The following DCHS1 variants were observed in gnomAD, a reference collection of about 807,000 sequenced individuals.
The protein encoded by DCHS1 is dachsous cadherin-related 1.
A neutral mutation model predicts 213.9 loss-of-function variants in DCHS1; 78 were observed. The observed-to-expected ratio is 0.36, with a 90% CI of 0.30 to 0.44. The LOEUF (loss-of-function observed/expected upper bound fraction) is 0.44. DCHS1 is among the 20% of genes least tolerant of loss of function. The pLI, the probability that DCHS1 is intolerant of heterozygous loss-of-function variation, is 1.00. For missense variants in DCHS1, 3,946 were observed against 4,395.9 expected (o/e 0.90, Z 2.89); for synonymous variants, 1,828 against 1,873.7 (o/e 0.98, Z 0.63).
chr11:6,625,977 G>A lies in DCHS1; in HGVS notation c.6674C>T (p.Thr2225Ile), dbSNP rs778643159. 3 of 1,613,504 alleles carry A rather than the reference G, an allele frequency of 1.9e-6. No homozygotes were observed. The highest frequency in any genetic ancestry group is 4.5e-5 in the East Asian group (2 of 44,886). ...PARGLFHVDPTTGTITTTAIL... is the reference protein window; with the variant it reads ...PARGLFHVDPITGTITTTAIL... ...GGCTGTGGTAGTGATAGTGCCTGTGGTTGGGTCTACGTGGAACAATCCACG... is the reference window on the plus strand; with the variant it reads ...GGCTGTGGTAGTGATAGTGCCTGTGATTGGGTCTACGTGGAACAATCCACG... The change falls in exon 17 of 21, where the codon ACC becomes ATC. Residue 2225 changes from threonine to isoleucine, a missense_variant. Transcript: ENST00000299441. This position sits in a 1 kb window ranked among gnomAD's most constrained non-coding sequence, Gnocchi z 5.3.
rs374221703 is a variant in DCHS1 at position 6,626,905 on chromosome 11, C to T, written c.6134G>A (p.Arg2045His). ...CACACCAGTGGCAGAGCGAGCTGGA[C>T]GGCCAAGATCAGTGGCCACAATGAA... ...VLFIVATDLG[R>H]PARSATGVII... The change falls in exon 14 of 21, where the codon CGT becomes CAT. Residue 2045 changes from arginine to histidine, a missense_variant. Around this residue, in one of 3 missense-constraint regions of DCHS1, gnomAD observed 3,384 missense variants for 3,780.1 expected, o/e 0.90. Transcript: ENST00000299441. The surrounding 1 kb of genome is among the most constrained non-coding windows in gnomAD (Gnocchi z 5.2). 3.3e-5 allele frequency: 54 copies of T among 1,613,474 alleles called. No homozygotes were observed. Among genetic ancestry groups the T allele is most frequent in the Admixed American group, 1.3e-4 (8 of 59,998 alleles).
chr11:6,640,115 G>C lies in DCHS1; in HGVS notation c.1499C>G (p.Pro500Arg), dbSNP rs764068305. 2.5e-6 allele frequency: 4 copies of C among 1,613,514 alleles called. No individual in the cohort carries two copies. Among genetic ancestry groups the C allele is most frequent in the Admixed American group, 3.3e-5 (2 of 59,936 alleles). The change falls in exon 2 of 21, where the codon CCT (proline) becomes CGT (arginine). Residue 500 changes from proline (P) to arginine (R), a missense_variant. By Grantham distance (103) the Pro-to-Arg change is moderately radical. Around this residue, in one of 3 missense-constraint regions of DCHS1, gnomAD observed 3,384 missense variants for 3,780.1 expected, o/e 0.90. Coordinates refer to ENST00000299441, the MANE Select transcript of DCHS1 (RefSeq NM_003737.4). This position sits in a 1 kb window ranked among gnomAD's most constrained non-coding sequence, Gnocchi z 6.5. ...SFVVRVTARD[P>R]DQGTNGQVTY... is the part of the protein sequence containing the mutation. ...GACCTGACCATTGGTGCCTTGGTCA[G>C]GATCCCGAGCAGTCACCCGCACTAC... is the stretch of plus-strand genomic sequence containing the variant.
In DCHS1 at chr11:6,624,299, A is replaced by G; in HGVS notation, c.7377T>C (p.Ala2459=). 1 of 1,592,840 alleles carries G rather than the reference A, an allele frequency of 6.3e-7. No individual in the cohort carries two copies. Among genetic ancestry groups the G allele is most frequent in the Non-Finnish European group, 8.5e-7 (1 of 1,170,826 alleles). The stretch of plus-strand genomic sequence containing the variant: ...CTGTGGCTCGTGCTGCCCGGCCTGG[A>G]GCCCCGTGGTCTCGTGCTTCCAGCA... The part of the protein sequence containing the change: ...DVVLEARDHG[A]PGRAARATVH... Residue 2459 remains alanine, a synonymous_variant, in exon 21 of 21, where the codon GCT becomes GCC. Coordinates refer to ENST00000299441, the MANE Select transcript of DCHS1 (RefSeq NM_003737.4).
chr11:6,655,054 A>C (rs12288043), intron 1 of DCHS1, among the ~76,000 whole-genome samples: 2,468 of 151,028 alleles, frequency 0.016, 67 homozygotes, highest in African/African-American at 0.057. Flanking sequence ...ACTTCTCCCC[A>C]CTCAGTTTCT....
At chr11:6,644,746 C>T (rs1004984935) in intron 1 of DCHS1, among the ~76,000 whole-genome samples, 6 of 152,238 alleles carry the variant, frequency 3.9e-5, no homozygotes, top group Non-Finnish European at 7.3e-5. Context: ...TCACGTAACA[C>T]ACTCAGAGAG....
In DCHS1 at chr11:6,640,372, T is replaced by C. The variant is rs1589960376; in HGVS notation, c.1242A>G (p.Leu414=). The stretch of plus-strand genomic sequence containing the variant: ...GATAGATGACGCTGTCTTGGGTGCT[T>C]AGGGCAAAGTGGCCCTCTCCACCTT... ...SLEGGEGHFA[L]STQDSVIYLV... The change falls in exon 2 of 21, where the codon CTA becomes CTG. Residue 414 remains leucine (L), a synonymous_variant. Transcript: ENST00000299441. The surrounding 1 kb of genome is among the most constrained non-coding windows in gnomAD (Gnocchi z 6.5). The C allele has an allele frequency of 6.2e-7, 1 of 1,613,560 alleles. No individual in the cohort carries two copies. The highest frequency in any genetic ancestry group is 8.5e-7 in the Non-Finnish European group (1 of 1,179,652).
chr11:6,655,752 G>A lies in DCHS1; in HGVS notation c.-310C>T. On this transcript the variant is annotated 5_prime_UTR_variant, in exon 1 of 21. Coordinates refer to ENST00000299441, the MANE Select transcript of DCHS1 (RefSeq NM_003737.4). Reference sequence around the variant, plus strand: ...CCCTTGGCCGTCGATCGGTCCGTCCGCTGACGCCCGGGCGCCGCCTCCTGC... The same window carrying A: ...CCCTTGGCCGTCGATCGGTCCGTCCACTGACGCCCGGGCGCCGCCTCCTGC... 1 of 979,476 alleles carries A rather than the reference G, an allele frequency of 1.0e-6. No homozygotes were observed. The highest frequency in any genetic ancestry group is 1.2e-6 in the Non-Finnish European group (1 of 827,838). 60.7% of individuals were successfully genotyped at this position (979,476 alleles called of 1,614,324 possible).
At position 6,626,982 on chromosome 11, in the gene DCHS1, T is replaced by C; in HGVS notation, c.6057A>G (p.Glu2019=). 1 of 1,613,760 alleles carries C rather than the reference T, an allele frequency of 6.2e-7. No homozygotes were observed. Residue 2019 remains glutamate (E), a synonymous_variant, in exon 14 of 21, where the codon GAA becomes GAG. Transcript: ENST00000299441. This position sits in a 1 kb window ranked among gnomAD's most constrained non-coding sequence, Gnocchi z 5.2. ...PGTTVDSYTG[E]IRVARSPVAL... ...CTACAGGAGAGCGGGCCACGCGGAT[T>C]TCACCAGTGTAAGAGTCCACAGTAG...
At position 6,626,891 on chromosome 11, in the gene DCHS1, C is replaced by T; in HGVS notation, c.6148G>A (p.Ala2050Thr). ...AGTCCAACAATGATCACACCAGTGG[C>T]AGAGCGAGCTGGACGGCCAAGATCA... The part of the protein sequence containing the change: ...ATDLGRPARS[A>T]TGVIIVGLQG... Residue 2050 changes from alanine (A) to threonine (T), a missense_variant, in exon 14 of 21, where the codon GCC becomes ACC. Ala to Thr is a moderately conservative substitution (Grantham distance 58). Around this residue, in one of 3 missense-constraint regions of DCHS1, gnomAD observed 3,384 missense variants for 3,780.1 expected, o/e 0.90. Transcript: ENST00000299441. The surrounding 1 kb of genome is among the most constrained non-coding windows in gnomAD (Gnocchi z 5.2). 6.2e-7 allele frequency: 1 copy of T among 1,613,526 alleles called. No individual in the cohort carries two copies. The highest frequency in any genetic ancestry group is 2.2e-5 in the East Asian group (1 of 44,870).
rs144204375 is a variant in DCHS1 at position 6,628,697 on chromosome 11, G to A, written c.5295C>T (p.Asp1765=). The A allele has an allele frequency of 1.2e-6, 2 of 1,613,926 alleles. No homozygotes were observed. Among genetic ancestry groups the A allele is most frequent in the African/African-American group, 2.7e-5 (2 of 74,936 alleles). The part of the protein sequence containing the change: ...HLSLEVPEGQ[D]PQTLTMLRAS... ...CCCGAAGCATGGTAAGGGTCTGGGG[G>A]TCCTGGCCCTCAGGCACCTCCAGAG... The change falls in exon 13 of 21, where the codon GAC becomes GAT. Residue 1765 remains aspartate, a synonymous_variant. Transcript: ENST00000299441. This position sits in a 1 kb window ranked among gnomAD's most constrained non-coding sequence, Gnocchi z 4.3.
chr11:6,647,904 C>T (rs1448752694), intron 1 of DCHS1, among the ~76,000 whole-genome samples: 1 of 152,070 alleles, frequency 6.6e-6, no homozygotes, highest in Non-Finnish European at 1.5e-5. Context: ...AGGTTAGCAG[C>T]GGTGAGGCTG....
intron 1 of DCHS1, among the ~76,000 whole-genome samples, chr11:6,647,947 AGGT>A (rs1856188880): frequency 6.6e-6 from 1 of 152,168 alleles, no homozygotes; most frequent in Non-Finnish European, 1.5e-5. Context: ...GAGGAGGTGA[AGGT>A]AAGAAGACTT....
rs185643081 is a variant in DCHS1 at position 6,648,924 on chromosome 11, C to T, written c.-121+6639G>A. On this transcript the variant is annotated intron_variant, in intron 1 of 20. Coordinates refer to ENST00000299441, the MANE Select transcript of DCHS1 (RefSeq NM_003737.4). ...GCTGGAGTTCAAATCCTGACTCGGC[C>T]ACTTAAGCATGAGTCTAGGCAAGTT... 2.0e-3 allele frequency among the ~76,000 whole-genome samples: 310 copies of T among 152,240 alleles called. 1 individual carries two copies. Among genetic ancestry groups the T allele is most frequent in the African/African-American group, 6.8e-3 (284 of 41,518 alleles).
chr11:6,624,846 G>C lies in DCHS1; in HGVS notation c.7169C>G (p.Pro2390Arg). 6.2e-7 allele frequency: 1 copy of C among 1,613,854 alleles called. No individual in the cohort carries two copies. The highest frequency in any genetic ancestry group is 8.5e-7 in the Non-Finnish European group (1 of 1,179,860). ...GACGGAGAGAATGGCACTGCCTGGG[G>C]GTGTGTGCTCAAGCAGCATTACCTG... The part of the protein sequence containing the change: ...LYQVMLLEHT[P>R]PGSAILSVSA... The change falls in exon 20 of 21, where the codon CCC becomes CGC. Residue 2390 changes from proline (P) to arginine (R), a missense_variant. This residue lies in a region of DCHS1 where 3,384 missense variants were observed against 3,780.1 expected (regional missense o/e 0.90). Coordinates refer to ENST00000299441, the MANE Select transcript of DCHS1 (RefSeq NM_003737.4).
chr11:6,630,874 C>G lies in DCHS1; in HGVS notation c.3931-11G>C. 6.6e-7 allele frequency: 1 copy of G among 1,509,474 alleles called. No individual in the cohort carries two copies. The highest frequency in any genetic ancestry group is 1.3e-5 in the South Asian group (1 of 77,774). 93.5% of individuals were successfully genotyped at this position (1,509,474 alleles called of 1,614,324 possible). On this transcript the variant is annotated splice_polypyrimidine_tract_variant and intron_variant, in intron 9 of 20. Coordinates refer to ENST00000299441, the MANE Select transcript of DCHS1 (RefSeq NM_003737.4). ...AGCTGAGGGAAGCACCTGTTGTGGA[C>G]CGGGGAGGGAGAACAGAATTGTGAG... is the stretch of plus-strand genomic sequence containing the variant.
At position 6,623,134 on chromosome 11, in the gene DCHS1, C is replaced by T. The variant is rs1181525018; in HGVS notation, c.8542G>A (p.Val2848Ile). ...GAAGAGGTGGCAAGGGAATACAGAA[C>T]CAGGCCATCGGCACCCCCATCCTCA... ...TDEDGGADGL[V>I]LYSLATSSPY... is the part of the protein sequence containing the mutation. Residue 2848 changes from valine to isoleucine, a missense_variant, in exon 21 of 21, where the codon GTT (valine) becomes ATT (isoleucine). By Grantham distance (29) the Val-to-Ile change is conservative (BLOSUM62 3). This residue lies in a region of DCHS1 where 8 missense variants were observed against 25.5 expected (regional missense o/e 0.31). Coordinates refer to ENST00000299441, the MANE Select transcript of DCHS1 (RefSeq NM_003737.4). 3.7e-6 allele frequency: 6 copies of T among 1,608,570 alleles called. No homozygotes were observed. The highest frequency in any genetic ancestry group is 1.7e-5 in the Admixed American group (1 of 59,464).
Position 6,626,612 on chromosome 11 carries a change from T to C in DCHS1, c.6304A>G (p.Ile2102Val). ...TTCCCACTGAGAATGCTGTAGGTGATGGGTCCATTTGTGCCTCCTGCATGG... is the reference window on the plus strand; with the variant it reads ...TTCCCACTGAGAATGCTGTAGGTGACGGGTCCATTTGTGCCTCCTGCATGG... ...AVHAGGTNGPITYSILSGNEK... is the reference protein window; with the variant it reads ...AVHAGGTNGPVTYSILSGNEK... The change falls in exon 15 of 21, where the codon ATC becomes GTC. Residue 2102 changes from isoleucine to valine, a missense_variant. Physicochemically the swap from Ile to Val is conservative, Grantham distance 29. This residue lies in a region of DCHS1 where 3,384 missense variants were observed against 3,780.1 expected (regional missense o/e 0.90). Transcript: ENST00000299441. The surrounding 1 kb of genome is among the most constrained non-coding windows in gnomAD (Gnocchi z 5.2). 2 of 1,614,008 alleles carry C rather than the reference T, an allele frequency of 1.2e-6. No homozygotes were observed. The highest frequency in any genetic ancestry group is 1.6e-4 in the Middle Eastern group (1 of 6,062).
chr11:6,623,737 A>G lies in DCHS1; in HGVS notation c.7939T>C (p.Ser2647Pro), dbSNP rs1855744764. The G allele has an allele frequency of 1.2e-6, 2 of 1,613,776 alleles. No individual in the cohort carries two copies. The highest frequency in any genetic ancestry group is 1.7e-5 in the Admixed American group (1 of 60,010). Reference sequence around the variant, plus strand: ...CTCTCATCCAGCTCAAAGAGCCCTGATGGGTCGCCTGAGCTGACAGTGAAA... The same window carrying G: ...CTCTCATCCAGCTCAAAGAGCCCTGGTGGGTCGCCTGAGCTGACAGTGAAA... ...VRFTVSSGDP[S>P]GLFELDESSG... Residue 2647 changes from serine to proline, a missense_variant, in exon 21 of 21, where the codon TCA becomes CCA. Physicochemically the swap from Ser to Pro is moderately conservative, Grantham distance 74. This residue lies in a region of DCHS1 where 3,384 missense variants were observed against 3,780.1 expected (regional missense o/e 0.90). Coordinates refer to ENST00000299441, the MANE Select transcript of DCHS1 (RefSeq NM_003737.4).
Position 6,641,876 on chromosome 11 carries a change from G to A in DCHS1, c.-120-143C>T. ...CCTCACACTCATCTTGGGCCACACGGATCTCTGCCTCAGGACTCTTCGAGG... is the reference window on the plus strand; with the variant it reads ...CCTCACACTCATCTTGGGCCACACGAATCTCTGCCTCAGGACTCTTCGAGG... On this transcript the variant is annotated intron_variant, in intron 1 of 20. Transcript: ENST00000299441. This position sits in a 1 kb window ranked among gnomAD's most constrained non-coding sequence, Gnocchi z 7.1. 1 of 678,728 alleles carries A rather than the reference G, an allele frequency of 1.5e-6. No individual in the cohort carries two copies. Among genetic ancestry groups the A allele is most frequent in the Non-Finnish European group, 2.3e-6 (1 of 437,830 alleles). The allele number at this position is 678,728 out of a possible 1,614,324, so 42.0% of individuals were successfully genotyped here. A position where few individuals can be genotyped will look rare whatever the true frequency, so the allele number is the denominator to read the frequency against.
Sources: gnomAD v4.1 joint callset for allele counts (sites outside exome capture counted in the v4.1 genomes callset) on GRCh38, gnomAD v4.1.1 for gene constraint, gnomAD v4.1.1 regional missense constraint, Gnocchi (gnomAD v3.1) non-coding constraint, MANE v1.5 for transcripts, NCBI Gene and HGNC (gene_info 2026-07-23, HGNC 2026-07-21) for gene names.